Variants in LDLRAD4 observed in about 807,000 individuals in gnomAD.
LDLRAD4 encodes the protein low-density lipoprotein receptor class A domain-containing protein 4.
Under a neutral mutation model 17.0 loss-of-function variants are expected in LDLRAD4, and 5 were observed. The ratio of observed to expected loss-of-function variants is 0.29; its 90% CI spans 0.15 to 0.62. The LOEUF is 0.62. LDLRAD4 is among the 20% of genes least tolerant of loss of function. The pLI is 0.84. For missense variants in LDLRAD4, 340 were observed against 424.7 expected (o/e 0.80, Z 1.75); for synonymous variants, 168 against 171.8 (o/e 0.98, Z 0.17).
Position 13,333,593 on chromosome 18 carries a change from G to A in LDLRAD4, c.-382-53748G>A, listed in dbSNP as rs531218748. Among the ~76,000 whole-genome samples, 10 of 152,288 alleles carry A rather than the reference G, an allele frequency of 6.6e-5. No individual in the cohort carries two copies. The East Asian group carries it at 1.2e-3, about 18-fold the overall frequency. ...AGTTAATTTTTGTGAAGGGTGTAAG[G>A]TATGTGTCTAGGTTTATTTATTTTT... On this transcript the variant is annotated intron_variant, in intron 1 of 5. Coordinates refer to ENST00000359446, the Ensembl canonical transcript of LDLRAD4.
rs559644984 is a variant in LDLRAD4, at chr18:13,345,936, A to AT, written c.-382-41399dup. On this transcript the variant is annotated intron_variant, in intron 1 of 5. Transcript: ENST00000359446. ...GTTCAATGGTGATATCCCCTTCATCATTTTTTATTGCCATCTATTTGATTC... is the reference window on the plus strand; with the variant it reads ...GTTCAATGGTGATATCCCCTTCATCATTTTTTTATTGCCATCTATTTGATTC... 2.2e-4 allele frequency among the ~76,000 whole-genome samples: 33 copies of AT among 152,066 alleles called. No individual in the cohort carries two copies. In the East Asian group the frequency reaches 4.6e-3, roughly 21 times the overall value.
At chr18:13,387,869 G>T in intron 2 of LDLRAD4, 107 bp downstream of exon 3, 1 of 941,584 alleles carries the variant, frequency 1.1e-6, no homozygotes. Flanking sequence ...GGAGCTGAAG[G>T]CCAACGCAGT....
At chr18:13,344,689 C>T (rs541392443) in intron 1 of LDLRAD4, among the ~76,000 whole-genome samples, 13 of 152,258 alleles carry the variant, frequency 8.5e-5, no homozygotes, top group East Asian at 7.7e-4. Context: ...GCCATTTTCA[C>T]GATATTGATT....
intron 1 of LDLRAD4, among the ~76,000 whole-genome samples, chr18:13,325,813 C>T (rs1312036718): frequency 5.9e-5 from 9 of 151,474 alleles, no homozygotes; most frequent in Non-Finnish European, 1.0e-4. Flanking sequence ...AGTGCAGTGG[C>T]GCAATCTCGG....
At chr18:13,390,583 G>A (rs1458387905) in intron 2 of LDLRAD4, among the ~76,000 whole-genome samples, 1 of 152,122 alleles carries the variant, frequency 6.6e-6, no homozygotes, top group Non-Finnish European at 1.5e-5. Flanking sequence ...TTAAAGTCTG[G>A]GAAGCACTGG....
At chr18:13,631,063 C>G (rs2041620838) in intron 4 of LDLRAD4, among the ~76,000 whole-genome samples, 1 of 152,192 alleles carries the variant, frequency 6.6e-6, no homozygotes, top group Admixed American at 6.5e-5. Flanking sequence ...GTGGTGTGGC[C>G]TTGCACACGT....
At chr18:13,648,810 T>G (rs2043119560) in exon 6 of LDLRAD4, 1 of 152,208 alleles carries the variant, frequency 6.6e-6, no homozygotes, top group African/African-American at 2.4e-5. Context: ...GTTCCCGGTG[T>G]AGGAGACCCA....
At chr18:13,306,421 A>T (rs529956115) in intron 1 of LDLRAD4, among the ~76,000 whole-genome samples, 3 of 152,228 alleles carry the variant, frequency 2.0e-5, no homozygotes, top group African/African-American at 7.2e-5. Flanking sequence ...ACTTCTTTCA[A>T]TACTGGACAG....
chr18:13,298,744 A>G (rs1354903136), intron 1 of LDLRAD4, among the ~76,000 whole-genome samples: 2 of 152,172 alleles, frequency 1.3e-5, no homozygotes, highest in Non-Finnish European at 2.9e-5. Context: ...GGGTCACTTG[A>G]TGCGGACAGG....
rs534284778 is a variant in LDLRAD4 at position 13,519,357 on chromosome 18, C to T, written c.181+80973C>T. Among the ~76,000 whole-genome samples, 246 of 152,218 alleles carry T rather than the reference C, an allele frequency of 1.6e-3. 1 individual carries two copies. The highest frequency in any genetic ancestry group is 2.9e-3 in the Admixed American group (44 of 15,284). On this transcript the variant is annotated intron_variant, in intron 3 of 5. Coordinates refer to ENST00000359446, the Ensembl canonical transcript of LDLRAD4. ...CTCTCCCTGGTGTTCCGGAGGGAGC[C>T]GGGGAGCTGGGGTCAGCTCTTTCCC...
intron 3 of LDLRAD4, among the ~76,000 whole-genome samples, chr18:13,443,076 T>C (rs2091138240): frequency 6.6e-6 from 1 of 152,220 alleles, no homozygotes; most frequent in South Asian, 2.1e-4. Context: ...CTGGAGCTGA[T>C]AAAGTACACC....
At chr18:13,253,561 G>C (rs1567936307) in intron 1 of LDLRAD4, among the ~76,000 whole-genome samples, 1 of 152,164 alleles carries the variant, frequency 6.6e-6, no homozygotes, top group South Asian at 2.1e-4. Flanking sequence ...ATGACACATG[G>C]TGCTAATGGG....
upstream of LDLRAD4, among the ~76,000 whole-genome samples, chr18:13,274,730 CTG>C (rs2044758205): frequency 6.6e-6 from 1 of 152,162 alleles, no homozygotes; most frequent in African/African-American, 2.4e-5. Flanking sequence ...TCAAATATCA[CTG>C]TTATTAAAAG....
chr18:13,474,912 G>A (rs982005123), intron 3 of LDLRAD4, among the ~76,000 whole-genome samples: 14 of 152,186 alleles, frequency 9.2e-5, no homozygotes, highest in Admixed American at 7.9e-4. Context: ...TCATGGTTTA[G>A]CATGAGCTGA....
rs181769049 is a variant in LDLRAD4 at position 13,438,011 on chromosome 18, G to C, written c.41-233G>C. ...TGCCGTAGAGTGAGGCGTGCAAGGTGGGCCTCGGTGCCCCTGTGGAGTGCA... is the reference window on the plus strand; with the variant it reads ...TGCCGTAGAGTGAGGCGTGCAAGGTCGGCCTCGGTGCCCCTGTGGAGTGCA... On this transcript the variant is annotated intron_variant, in intron 2 of 5. Coordinates refer to ENST00000359446, the Ensembl canonical transcript of LDLRAD4. 2.1e-3 allele frequency among the ~76,000 whole-genome samples: 321 copies of C among 152,320 alleles called. 4 individuals are homozygous for C. The highest frequency in any genetic ancestry group is 7.4e-3 in the African/African-American group (306 of 41,566).
At chr18:13,237,526 C>T (rs74530766) in intron 1 of LDLRAD4, among the ~76,000 whole-genome samples, 2,101 of 152,244 alleles carry the variant, frequency 0.014, 56 homozygotes, top group African/African-American at 0.047. Context: ...GGTCCCACGG[C>T]CAAGTGGAAC....
intron 3 of LDLRAD4, among the ~76,000 whole-genome samples, chr18:13,450,659 C>G (rs1224254654): frequency 2.0e-5 from 3 of 152,202 alleles, no homozygotes; most frequent in Non-Finnish European, 4.4e-5. Flanking sequence ...CAGCTTTGTT[C>G]TGTCCAGTGC....
chr18:13,580,468 A>G (rs866478336), intron 3 of LDLRAD4, among the ~76,000 whole-genome samples: 3 of 152,378 alleles, frequency 2.0e-5, no homozygotes, highest in Non-Finnish European at 2.9e-5. Context: ...GGGATGCATC[A>G]GGCTGCTTGG....
intron 3 of LDLRAD4, among the ~76,000 whole-genome samples, chr18:13,541,483 G>A (rs1356827751): frequency 6.6e-6 from 1 of 152,210 alleles, no homozygotes; most frequent in Non-Finnish European, 1.5e-5. Flanking sequence ...GAAGAACAGT[G>A]TGAAGAGTGG....
Sources: allele counts gnomAD v4.1 joint callset (sites outside exome capture counted in the v4.1 genomes callset), GRCh38; gene constraint gnomAD v4.1.1; transcripts MANE v1.5; gene names NCBI Gene and HGNC (gene_info 2026-07-23, HGNC 2026-07-21).